CCDC158: variants seen among roughly 807,000 people sequenced by gnomAD.
CCDC158 encodes coiled-coil domain containing 158, also known as coiled-coil domain-containing protein 158.
In CCDC158, 116 loss-of-function variants were observed where a neutral mutation model predicts 138.6. The ratio of observed to expected loss-of-function variants is 0.84; its 90% confidence interval spans 0.72 to 0.98. CCDC158 has a LOEUF of 0.98. CCDC158 is among the 50% of genes least tolerant of loss of function. The pLI, the probability that CCDC158 is intolerant of heterozygous loss-of-function variation, is 0.00. For missense variants in CCDC158, 1,265 were observed against 1,306.1 expected, an observed-to-expected ratio of 0.97 and a Z score of 0.48; for synonymous variants, 436 against 442.4, an observed-to-expected ratio of 0.99 and a Z score of 0.18.
chr4:76,369,558 G>T lies in CCDC158; in HGVS notation c.1215C>A (p.Asp405Glu). The T allele has an allele frequency of 1.2e-6, 2 of 1,614,110 alleles. No homozygotes were observed. The highest frequency in any genetic ancestry group is 1.7e-6 in the Non-Finnish European group (2 of 1,180,006). Reference sequence around the variant, plus strand: ...TGGTGATGCTGTTGCCTGTGTCTCGGTCCCACAGACGCTTATTCTGCTCCT... The same window carrying T: ...TGGTGATGCTGTTGCCTGTGTCTCGTTCCCACAGACGCTTATTCTGCTCCT... ...LEKEQNKRLW[D>E]RDTGNSITID... Residue 405 changes from aspartate (D) to glutamate (E), a missense_variant, in exon 11 of 25, where the codon GAC (aspartate) becomes GAA (glutamate). Transcript: ENST00000682701.
intron 12 of CCDC158, among the ~76,000 whole-genome samples, chr4:76,363,353 C>T (rs1724341373): frequency 6.6e-6 from 1 of 152,170 alleles, no homozygotes; most frequent in South Asian, 2.1e-4. Context: ...AAGCTCATGC[C>T]TGGCTTTCTC....
Position 76,353,104 on chromosome 4 carries a change from A to G in CCDC158, c.2445+19T>C. 1 of 1,585,136 alleles carries G rather than the reference A, an allele frequency of 6.3e-7. No individual in the cohort carries two copies. The highest frequency in any genetic ancestry group is 8.6e-7 in the Non-Finnish European group (1 of 1,160,114). On this transcript the variant is annotated intron_variant, in intron 16 of 24. Coordinates refer to ENST00000682701, the MANE Select transcript of CCDC158 (RefSeq NM_001394954.1). ...ACTATTTAGTTGATAATTACTTCAT[A>G]TGTTTAGTTAATAATTACCTTATCC... is the stretch of plus-strand genomic sequence containing the variant.
intron 18 of CCDC158, chr4:76,345,063 C>T: frequency 7.5e-7 from 1 of 1,333,002 alleles, no homozygotes; most frequent in Non-Finnish European, 1.1e-6. Context: ...TGTGTGAAAG[C>T]TGACAAAATG....
chr4:76,376,434 T>C (rs1021811499), intron 9 of CCDC158, among the ~76,000 whole-genome samples: 2 of 152,218 alleles, frequency 1.3e-5, no homozygotes, highest in Admixed American at 1.3e-4. Context: ...GTTATTTGAA[T>C]GGTATATACT....
intron 9 of CCDC158, among the ~76,000 whole-genome samples, 173 bp from the exon 10 acceptor site, chr4:76,371,709 G>A (rs962574386): frequency 2.0e-5 from 3 of 152,046 alleles, no homozygotes; most frequent in African/African-American, 4.8e-5. Flanking sequence ...AGGCCGAGGC[G>A]GGTGGATCAC....
intron 22 of CCDC158, among the ~76,000 whole-genome samples, chr4:76,328,321 G>A (rs1007599801): frequency 1.3e-5 from 2 of 152,218 alleles, no homozygotes; most frequent in Non-Finnish European, 2.9e-5. Flanking sequence ...GGAACCAAAT[G>A]GCTAAAGACA....
At chr4:76,391,221 G>A (rs111465996) in intron 4 of CCDC158, among the ~76,000 whole-genome samples, 4,484 of 152,016 alleles carry the variant, frequency 0.029, 220 homozygotes, top group African/African-American at 0.1. Flanking sequence ...AATGTTCTGG[G>A]CAGAATACAT....
chr4:76,356,887 TA>T (rs1481634506), intron 14 of CCDC158, among the ~76,000 whole-genome samples: 1 of 152,106 alleles, frequency 6.6e-6, no homozygotes, highest in East Asian at 1.9e-4. Flanking sequence ...GGCAGCAAGG[TA>T]AAAGGGGAAT....
Position 76,351,801 on chromosome 4 carries a change from C to T in CCDC158, c.2457G>A (p.Gln819=), listed in dbSNP as rs755792610. ...MEVALDKASL[Q]FAECQDIIQR... is the part of the protein sequence containing the mutation. ...GTATTATATCTTGACATTCTGCAAA[C>T]TGCAAAGATGCCTACAAATGGAGCA... is the stretch of plus-strand genomic sequence containing the variant. Residue 819 remains glutamine, a synonymous_variant, in exon 17 of 25, where the codon CAG becomes CAA. Transcript: ENST00000682701. The T allele has an allele frequency of 6.2e-7, 1 of 1,609,358 alleles. No homozygotes were observed. The highest frequency in any genetic ancestry group is 8.5e-7 in the Non-Finnish European group (1 of 1,175,884).
chr4:76,314,289 T>C (rs1376138735), intron 24 of CCDC158, among the ~76,000 whole-genome samples: 2 of 152,178 alleles, frequency 1.3e-5, no homozygotes, highest in African/African-American at 4.8e-5. Context: ...ACATATGTCA[T>C]GGTGTGAGTA....
At chr4:76,314,422 GTGGAGAC>G (rs954788958) in intron 24 of CCDC158, among the ~76,000 whole-genome samples, 4 of 152,230 alleles carry the variant, frequency 2.6e-5, no homozygotes, top group African/African-American at 4.8e-5. Flanking sequence ...AGAGCAACGT[GTGGAGAC>G]TCACACTGTT....
chr4:76,421,761 C>G (rs1730147024), upstream of CCDC158: 1 of 148,512 alleles, frequency 6.7e-6, no homozygotes, highest in African/African-American at 2.5e-5. Flanking sequence ...TCTGTTTTCT[C>G]TGTCCCCGAA....
At position 76,338,421 on chromosome 4, in the gene CCDC158, A is replaced by C. The variant is rs531562153; in HGVS notation, c.2665-4254T>G. ...CAGCTACTCGGGGGCCTGAGGCAGAAGAATCGCTTGAACCTGGGAGGCAGA... is the reference window on the plus strand; with the variant it reads ...CAGCTACTCGGGGGCCTGAGGCAGACGAATCGCTTGAACCTGGGAGGCAGA... On this transcript the variant is annotated intron_variant, in intron 18 of 24. Transcript: ENST00000682701. 6.6e-5 allele frequency among the ~76,000 whole-genome samples: 10 copies of C among 152,332 alleles called. No individual in the cohort carries two copies. The East Asian group carries it at 1.9e-3, about 29-fold the overall frequency.
chr4:76,352,876 T>C (rs1723182783), intron 16 of CCDC158: 1 of 361,002 alleles, frequency 2.8e-6, no homozygotes, highest in Non-Finnish European at 4.9e-6. Flanking sequence ...TCTTTGATCT[T>C]ACTGCTCCTG....
chr4:76,354,001 T>C (rs985416153), intron 15 of CCDC158, among the ~76,000 whole-genome samples: 2 of 152,160 alleles, frequency 1.3e-5, no homozygotes, highest in Admixed American at 6.5e-5. Flanking sequence ...GTGTTGCTAC[T>C]GTAAAATGCA....
chr4:76,406,363 C>T (rs573371297), intron 2 of CCDC158, among the ~76,000 whole-genome samples: 6 of 152,224 alleles, frequency 3.9e-5, no homozygotes, highest in African/African-American at 1.2e-4. Flanking sequence ...GAACTGCAAA[C>T]GCAGTAATAA....
At chr4:76,391,334 T>C (rs1727291310) in intron 4 of CCDC158, among the ~76,000 whole-genome samples, 2 of 152,010 alleles carry the variant, frequency 1.3e-5, no homozygotes. Context: ...CCATCTTCTC[T>C]GACAACAATG....
Position 76,362,171 on chromosome 4 carries a change from A to ATAATTGATC in CCDC158, c.1966_1974dup (p.Asp656_Leu658dup). 1.2e-5 allele frequency: 19 copies of ATAATTGATC among 1,614,030 alleles called. No homozygotes were observed. Among genetic ancestry groups the ATAATTGATC allele is most frequent in the Non-Finnish European group, 1.6e-5 (19 of 1,180,012 alleles). ...CTCCTACTTGTTTTCACCTCATTTA[A>ATAATTGATC]TAATTGATCTCTCTCTTGTTTGATG... On this transcript the variant is annotated inframe_insertion, in exon 13 of 25. Transcript: ENST00000682701.
At chr4:76,357,302 G>T in intron 14 of CCDC158, 72 bp downstream of exon 14, 1 of 1,094,676 alleles carries the variant, frequency 9.1e-7, no homozygotes, top group Non-Finnish European at 1.3e-6. Flanking sequence ...ACGTATTTGA[G>T]TTTCTGTTTT....
Sources: allele counts gnomAD v4.1 joint callset (sites outside exome capture counted in the v4.1 genomes callset), GRCh38; gene constraint gnomAD v4.1.1; transcripts MANE v1.5; gene names NCBI Gene and HGNC (gene_info 2026-07-23, HGNC 2026-07-21).